Variants in LTBP1 observed in about 807,000 individuals in gnomAD.
The protein encoded by LTBP1 is latent-transforming growth factor beta-binding protein 1.
LTBP1 carries 129 observed loss-of-function variants against 207.6 expected under a neutral mutation model. The ratio of observed to expected loss-of-function variants is 0.62; its 90% CI spans 0.54 to 0.72. LTBP1 has a LOEUF of 0.72. Ranked by LOEUF, LTBP1 falls within the 30% of genes least tolerant of loss-of-function variation. The probability of loss-of-function intolerance (pLI) is 0.00; values close to 1 mark genes in which losing one functional copy is unlikely to be tolerated. For synonymous variants in LTBP1, 963 were observed against 833.7 expected, an observed-to-expected ratio of 1.16 and a Z score of -2.67; for missense variants, 2,281 against 2,217.2, an observed-to-expected ratio of 1.03 and a Z score of -0.58.
chr2:32,956,382 T>C (rs72789862), intron 2 of LTBP1, among the ~76,000 whole-genome samples: 17,123 of 152,262 alleles, frequency 0.11, 1,130 homozygotes, highest in Middle Eastern at 0.16. Flanking sequence ...TTATAAATTC[T>C]TTGTTGTCAT....
intron 7 of LTBP1, among the ~76,000 whole-genome samples, chr2:33,211,645 A>G (rs2090325388): frequency 6.6e-6 from 1 of 152,234 alleles, no homozygotes; most frequent in Non-Finnish European, 1.5e-5. Context: ...TGCACAGTGC[A>G]GCAAACACTC....
rs1224172123 is a variant in LTBP1, at chr2:33,134,180, A to T, written c.1034-613A>T. ...GTTGCCTAAATTCTTATGGAGAAAT[A>T]GTGCCCTGGAGTTGTGAAAAAGAAA... On this transcript the variant is annotated intron_variant, in intron 4 of 33. Transcript: ENST00000404816. This position sits in a 1 kb window ranked among gnomAD's most constrained non-coding sequence, Gnocchi z 4.4. Among the ~76,000 whole-genome samples the T allele has an allele frequency of 6.6e-6, 1 of 152,238 alleles. No individual in the cohort carries two copies. Among genetic ancestry groups the T allele is most frequent in the African/African-American group, 2.4e-5 (1 of 41,450 alleles).
chr2:33,163,008 G>A (rs958143066), intron 5 of LTBP1, among the ~76,000 whole-genome samples: 3 of 152,128 alleles, frequency 2.0e-5, no homozygotes, highest in East Asian at 1.9e-4. Context: ...TTGAGACAAG[G>A]CCTCACTCCA....
chr2:33,200,207 G>A (rs866288513), intron 7 of LTBP1, among the ~76,000 whole-genome samples: 331 of 152,206 alleles, frequency 2.2e-3, no homozygotes, highest in Middle Eastern at 6.8e-3. Context: ...GAGGCATCAC[G>A]CTACCTGACT....
chr2:33,068,531 T>C (rs538421324), intron 3 of LTBP1, among the ~76,000 whole-genome samples: 2 of 152,332 alleles, frequency 1.3e-5, no homozygotes, highest in East Asian at 3.9e-4. Context: ...ATGGCATGTA[T>C]CTGCCATTAC....
At chr2:33,397,716 A>G (rs1161099106) in intron 33 of LTBP1, among the ~76,000 whole-genome samples, 153 of 127,844 alleles carry the variant, frequency 1.2e-3, no homozygotes, top group South Asian at 3.8e-3. Flanking sequence ...TAGAGACGGG[A>G]TTTCACCGTG....
At chr2:33,327,262 A>T (rs79865194) in intron 24 of LTBP1, among the ~76,000 whole-genome samples, 2,839 of 152,290 alleles carry the variant, frequency 0.019, 32 homozygotes, top group East Asian at 0.025. Flanking sequence ...AATAGGTCTT[A>T]CTTCCGTCTT....
chr2:33,252,682 C>G lies in LTBP1; in HGVS notation c.2005C>G (p.Pro669Ala). 1.2e-6 allele frequency: 2 copies of G among 1,609,256 alleles called. No individual in the cohort carries two copies. Among genetic ancestry groups the G allele is most frequent in the Non-Finnish European group, 1.7e-6 (2 of 1,176,516 alleles). Residue 669 changes from proline to alanine, a missense_variant, in exon 11 of 34, where the codon CCC becomes GCC. By Grantham distance (27) the Pro-to-Ala change is conservative (BLOSUM62 -1). This residue lies in a region of LTBP1 where 1,671 missense variants were observed against 1,634.8 expected (regional missense o/e 1.02). Coordinates refer to ENST00000404816, the MANE Select transcript of LTBP1 (RefSeq NM_206943.4). Reference sequence around the variant, plus strand: ...GCTTTATCTCTCTGCTTCAGCTGATCCCCCTGTGATCTCGGAAGAGAAAGG... The same window carrying G: ...GCTTTATCTCTCTGCTTCAGCTGATGCCCCTGTGATCTCGGAAGAGAAAGG... ...DPTFSSCVPD[P>A]PVISEEKGPC...
chr2:33,204,589 T>C (rs1315082653), intron 7 of LTBP1, among the ~76,000 whole-genome samples: 6 of 152,136 alleles, frequency 3.9e-5, no homozygotes, highest in African/African-American at 1.4e-4. Context: ...TTTCTTTTTC[T>C]TTTTTTAAGA....
intron 2 of LTBP1, among the ~76,000 whole-genome samples, chr2:32,974,943 A>G (rs1210097801): frequency 6.6e-6 from 1 of 152,110 alleles, no homozygotes; most frequent in Non-Finnish European, 1.5e-5. Flanking sequence ...TATTATGCAG[A>G]CTTGATTTTG....
intron 2 of LTBP1, among the ~76,000 whole-genome samples, chr2:32,968,557 T>C (rs1680337619): frequency 2.6e-5 from 4 of 152,202 alleles, no homozygotes; most frequent in Non-Finnish European, 5.9e-5. Flanking sequence ...TTGGGTTTTC[T>C]TTTTTGATCC....
chr2:33,356,532 C>T (rs535511205), intron 26 of LTBP1, among the ~76,000 whole-genome samples: 9 of 151,988 alleles, frequency 5.9e-5, no homozygotes, highest in African/African-American at 1.2e-4. Flanking sequence ...ACAAAAAATT[C>T]GCCGGGCATG....
At chr2:33,079,663 G>A (rs1005773196) in intron 3 of LTBP1, among the ~76,000 whole-genome samples, 2 of 152,070 alleles carry the variant, frequency 1.3e-5, no homozygotes, top group African/African-American at 4.8e-5. Flanking sequence ...TGCTTTCTGT[G>A]GCACTGCAGA....
chr2:33,335,001 C>T (rs1026411485), intron 24 of LTBP1, among the ~76,000 whole-genome samples: 1 of 151,466 alleles, frequency 6.6e-6, no homozygotes, highest in Non-Finnish European at 1.5e-5. Flanking sequence ...ATTGCTTGAG[C>T]CTAGGAAGTT....
chr2:33,123,824 G>C (rs1316646233), intron 4 of LTBP1, among the ~76,000 whole-genome samples: 2 of 152,078 alleles, frequency 1.3e-5, no homozygotes, highest in East Asian at 3.9e-4. Context: ...AATTAAGTAT[G>C]TTACATTATA....
chr2:33,209,852 C>G (rs1052036039), intron 7 of LTBP1, among the ~76,000 whole-genome samples: 3 of 152,188 alleles, frequency 2.0e-5, no homozygotes, highest in African/African-American at 7.2e-5. Context: ...GTCTCACATA[C>G]AGTCCGTCTC....
intron 9 of LTBP1, among the ~76,000 whole-genome samples, chr2:33,241,239 C>T (rs79173569): frequency 9.9e-5 from 15 of 152,252 alleles, no homozygotes; most frequent in African/African-American, 2.6e-4. Context: ...GTGCCAGTGC[C>T]GGTGGCACAA....
intron 19 of LTBP1, among the ~76,000 whole-genome samples, chr2:33,285,342 C>G (rs2093643951): frequency 6.6e-6 from 1 of 151,486 alleles, no homozygotes; most frequent in Admixed American, 6.6e-5. Context: ...GTGCCCGGGT[C>G]ACATTCTTCT....
intron 7 of LTBP1, among the ~76,000 whole-genome samples, chr2:33,207,533 A>G (rs1373164572): frequency 1.3e-5 from 2 of 152,236 alleles, no homozygotes; most frequent in Non-Finnish European, 2.9e-5. Flanking sequence ...AACCTTGCCT[A>G]TAAAGAATGT....
Sources: allele counts gnomAD v4.1 joint callset (sites outside exome capture counted in the v4.1 genomes callset), GRCh38; gene constraint gnomAD v4.1.1; regional missense constraint gnomAD v4.1.1; non-coding constraint Gnocchi (gnomAD v3.1); transcripts MANE v1.5; gene names NCBI Gene and HGNC (gene_info 2026-07-23, HGNC 2026-07-21).